NRG3: variants seen among roughly 807,000 people sequenced by gnomAD.
The protein encoded by NRG3 is pro-neuregulin-3, membrane-bound isoform.
A neutral mutation model predicts 66.9 loss-of-function variants in NRG3; 31 were observed. The observed-to-expected ratio is 0.46, with a 90% CI of 0.35 to 0.63. NRG3 has a LOEUF of 0.63. NRG3 is among the 20% of genes least tolerant of loss of function. The probability of loss-of-function intolerance (pLI) is 0.00; values close to 1 mark genes in which losing one functional copy is unlikely to be tolerated. For missense variants in NRG3, 910 were observed against 878.9 expected, an observed-to-expected ratio of 1.04 and a Z score of -0.45; for synonymous variants, 393 against 359.4, an observed-to-expected ratio of 1.09 and a Z score of -1.06.
intron 2 of NRG3, among the ~76,000 whole-genome samples, chr10:82,499,671 T>C (rs1198224946): frequency 1.3e-5 from 2 of 152,192 alleles, no homozygotes; most frequent in Admixed American, 1.3e-4. Flanking sequence ...TGGGAAGTTA[T>C]ATAAGCTGAA....
intron 1 of NRG3, among the ~76,000 whole-genome samples, chr10:82,241,267 G>A (rs909414371): frequency 1.3e-5 from 2 of 152,054 alleles, no homozygotes; most frequent in Non-Finnish European, 2.9e-5. Context: ...GTAGCGTATA[G>A]GAGAGTTTGC....
intron 2 of NRG3, among the ~76,000 whole-genome samples, chr10:82,565,176 G>A (rs2045319914): frequency 6.6e-6 from 1 of 152,128 alleles, no homozygotes; most frequent in African/African-American, 2.4e-5. Context: ...AGACTTGAAT[G>A]TGAAGTGTTG....
At chr10:82,241,191 T>A (rs1245590880) in intron 1 of NRG3, among the ~76,000 whole-genome samples, 1 of 152,124 alleles carries the variant, frequency 6.6e-6, no homozygotes, top group East Asian at 1.9e-4. Flanking sequence ...AGATGGCATC[T>A]AAATGATAAA....
intron 2 of NRG3, among the ~76,000 whole-genome samples, chr10:82,731,848 A>G (rs887054470): frequency 5.9e-5 from 9 of 152,218 alleles, no homozygotes; most frequent in African/African-American, 2.2e-4. Context: ...AAGAATCACC[A>G]TTCTATGTTC....
intron 4 of NRG3, among the ~76,000 whole-genome samples, chr10:82,873,463 T>G (rs189422436): frequency 1.3e-5 from 2 of 152,310 alleles, no homozygotes; most frequent in African/African-American, 4.8e-5. Context: ...GCCTAAATAT[T>G]CATGAGTGAT....
At chr10:82,281,454 A>T (rs1368076137) in intron 1 of NRG3, among the ~76,000 whole-genome samples, 1 of 152,114 alleles carries the variant, frequency 6.6e-6, no homozygotes, top group East Asian at 1.9e-4. Context: ...GCCCGGAGGA[A>T]ACAACAGAAG....
intron 3 of NRG3, among the ~76,000 whole-genome samples, chr10:82,807,707 T>G (rs2061345435): frequency 6.6e-6 from 1 of 152,194 alleles, no homozygotes; most frequent in Non-Finnish European, 1.5e-5. Flanking sequence ...TGATGAATCC[T>G]ATGCACATTC....
intron 1 of NRG3, among the ~76,000 whole-genome samples, chr10:82,226,859 A>G (rs558561764): frequency 6.6e-6 from 1 of 152,170 alleles, no homozygotes; most frequent in Non-Finnish European, 1.5e-5. Context: ...ACACCTATTC[A>G]GTGCTCAATA....
intron 1 of NRG3, among the ~76,000 whole-genome samples, chr10:82,347,045 G>T (rs1204474367): frequency 6.6e-6 from 1 of 151,424 alleles, no homozygotes; most frequent in Admixed American, 6.6e-5. Flanking sequence ...TTTTTGAAGG[G>T]TTTTTTGTGT....
intron 1 of NRG3, among the ~76,000 whole-genome samples, chr10:81,980,791 A>G (rs886594998): frequency 2.6e-5 from 4 of 152,098 alleles, no homozygotes; most frequent in African/African-American, 9.7e-5. Context: ...TCTTCTGAGG[A>G]CCTCTGGCTT....
At chr10:82,597,864 T>A (rs1565110815) in intron 2 of NRG3, among the ~76,000 whole-genome samples, 1 of 148,760 alleles carries the variant, frequency 6.7e-6, no homozygotes, top group Non-Finnish European at 1.5e-5. Context: ...GTGGTTGCAG[T>A]GAGCCGAGAT....
chr10:82,697,681 C>T (rs978583969), intron 2 of NRG3, among the ~76,000 whole-genome samples: 8 of 152,090 alleles, frequency 5.3e-5, no homozygotes, highest in Non-Finnish European at 1.0e-4. Flanking sequence ...TCCTTTTTAA[C>T]GTGACTTTAG....
At chr10:82,353,297 G>C (rs75854776) in intron 1 of NRG3, among the ~76,000 whole-genome samples, 5,728 of 152,218 alleles carry the variant, frequency 0.038, 172 homozygotes, top group African/African-American at 0.086. Flanking sequence ...GTAATATTCA[G>C]GTTCAACTCA....
At chr10:82,318,047 A>G (rs986811023) in intron 1 of NRG3, among the ~76,000 whole-genome samples, 4 of 152,150 alleles carry the variant, frequency 2.6e-5, no homozygotes, top group Admixed American at 2.6e-4. Flanking sequence ...CAGGGGAACA[A>G]CGAGATATGC....
intron 2 of NRG3, among the ~76,000 whole-genome samples, chr10:82,428,190 A>AT (rs2089571206): frequency 6.6e-6 from 1 of 151,242 alleles, no homozygotes; most frequent in Admixed American, 6.6e-5. Context: ...GTTCTCTACT[A>AT]TTTTTTCCAA....
At chr10:82,330,743 A>G (rs1337216374) in intron 1 of NRG3, among the ~76,000 whole-genome samples, 2 of 152,228 alleles carry the variant, frequency 1.3e-5, no homozygotes, top group Non-Finnish European at 2.9e-5. Flanking sequence ...GTTGGTCAAC[A>G]TAAATTTGCA....
intron 3 of NRG3, among the ~76,000 whole-genome samples, chr10:82,826,023 A>G (rs533398343): frequency 9.8e-4 from 150 of 152,300 alleles, no homozygotes; most frequent in African/African-American, 3.3e-3. Flanking sequence ...GTATTGTACC[A>G]TGGAGTAAAC....
rs554075819 is a variant in NRG3 at position 82,391,962 on chromosome 10, T to C, written c.953+33094T>C. 2.2e-3 allele frequency among the ~76,000 whole-genome samples: 272 copies of C among 125,142 alleles called. 2 individuals are homozygous for C. The highest frequency in any genetic ancestry group is 8.3e-3 in the African/African-American group (258 of 31,138). 82.1% of individuals were successfully genotyped at this position (125,142 alleles called of 152,430 possible). On this transcript the variant is annotated intron_variant, in intron 2 of 8. Transcript: ENST00000372141. ...TTGTAGCAATTCTCATCAGTAGTGC[T>C]GCCAAAGTTGAATCCTCTTTCGAGC... is the stretch of plus-strand genomic sequence containing the variant.
intron 1 of NRG3, among the ~76,000 whole-genome samples, chr10:81,960,494 T>A (rs756631135): frequency 2.0e-5 from 3 of 152,070 alleles, no homozygotes; most frequent in Non-Finnish European, 2.9e-5. Flanking sequence ...TTAATGTCCA[T>A]CTTCAGAAGT....
Sources: allele counts gnomAD v4.1 joint callset (sites outside exome capture counted in the v4.1 genomes callset), GRCh38; gene constraint gnomAD v4.1.1; transcripts MANE v1.5; gene names NCBI Gene and HGNC (gene_info 2026-07-23, HGNC 2026-07-21).